Variants in SIPA1L3 observed in about 807,000 individuals in gnomAD.
SIPA1L3 encodes the protein signal-induced proliferation-associated 1-like protein 3.
Under a neutral mutation model 150.1 loss-of-function variants are expected in SIPA1L3, and 59 were observed. The ratio of observed to expected loss-of-function variants is 0.39; its 90% confidence interval spans 0.32 to 0.49. SIPA1L3 has a LOEUF of 0.49. Ranked by LOEUF, SIPA1L3 falls within the 20% of genes least tolerant of loss-of-function variation. The pLI, the probability that SIPA1L3 is intolerant of heterozygous loss-of-function variation, is 0.86. For synonymous variants in SIPA1L3, 1,070 were observed against 1,077.6 expected (o/e 0.99, Z 0.14); for missense variants, 2,211 against 2,489.5 (o/e 0.89, Z 2.38).
intron 1 of SIPA1L3, among the ~76,000 whole-genome samples, chr19:37,942,394 A>C (rs1284402931): frequency 6.6e-6 from 1 of 151,358 alleles, no homozygotes; most frequent in Non-Finnish European, 1.5e-5. Flanking sequence ...ATGCCAGCTG[A>C]GAGTGGAGTG....
At chr19:38,065,709 G>A (rs950776556) in intron 2 of SIPA1L3, among the ~76,000 whole-genome samples, 8 of 151,852 alleles carry the variant, frequency 5.3e-5, no homozygotes, top group East Asian at 1.9e-4. Context: ...GGCGTGATGC[G>A]TTACTGCACT....
chr19:38,072,378 A>T (rs1969743572), intron 2 of SIPA1L3, among the ~76,000 whole-genome samples: 1 of 152,094 alleles, frequency 6.6e-6, no homozygotes, highest in Admixed American at 6.6e-5. Context: ...GTATGTTTTC[A>T]TTGTTGTTTT....
At chr19:38,201,085 C>T (rs1390288378) in intron 19 of SIPA1L3, among the ~76,000 whole-genome samples, 6 of 152,242 alleles carry the variant, frequency 3.9e-5, no homozygotes, top group African/African-American at 1.4e-4. Context: ...CTGCCCTGCC[C>T]TGCCCCTGAT....
rs139361618 is a variant in SIPA1L3 at position 38,076,486 on chromosome 19, A to C, written c.-310-4770A>C. Among the ~76,000 whole-genome samples, 119 of 152,300 alleles carry C rather than the reference A, an allele frequency of 7.8e-4. 3 individuals carry two copies. The East Asian group carries it at 0.017, about 22-fold the overall frequency. On this transcript the variant is annotated intron_variant, in intron 2 of 21. Transcript: ENST00000222345. ...TCAAGTGTTGTGAGTATCCATTTGA[A>C]ACACCGTGTGACACTCATCATCTCC...
chr19:38,072,759 G>A (rs747735215), intron 2 of SIPA1L3, among the ~76,000 whole-genome samples: 8 of 152,266 alleles, frequency 5.3e-5, no homozygotes, highest in Non-Finnish European at 1.0e-4. Context: ...TTGGAAAAAG[G>A]AGTCCTGGCG....
At chr19:38,140,927 G>A (rs886181747) in intron 10 of SIPA1L3, among the ~76,000 whole-genome samples, 2 of 151,730 alleles carry the variant, frequency 1.3e-5, no homozygotes, top group Admixed American at 1.3e-4. Context: ...GCGTAGTGGC[G>A]CTTGCCTGTA....
intron 1 of SIPA1L3, among the ~76,000 whole-genome samples, chr19:38,026,902 A>G (rs1178518130): frequency 6.6e-6 from 1 of 152,256 alleles, no homozygotes; most frequent in Non-Finnish European, 1.5e-5. Context: ...CTCATATCAC[A>G]TTACAGTGTT....
intron 1 of SIPA1L3, among the ~76,000 whole-genome samples, chr19:37,940,929 A>T (rs888694376): frequency 2.6e-5 from 4 of 152,048 alleles, no homozygotes; most frequent in Non-Finnish European, 5.9e-5. Flanking sequence ...CAGAAAGGCC[A>T]TGTCATTTGT....
At chr19:38,010,335 G>T (rs1464259619) in intron 1 of SIPA1L3, among the ~76,000 whole-genome samples, 2 of 151,882 alleles carry the variant, frequency 1.3e-5, no homozygotes, top group African/African-American at 2.4e-5. Context: ...TGTAGTCCAG[G>T]AGTTTGAGGC....
intron 15 of SIPA1L3, among the ~76,000 whole-genome samples, chr19:38,178,945 G>A (rs148159122): frequency 6.6e-6 from 1 of 152,288 alleles, no homozygotes; most frequent in African/African-American, 2.4e-5. Flanking sequence ...TTGCTAAATT[G>A]TGGAAAGCAT....
At chr19:38,140,644 A>T (rs913705920) in intron 10 of SIPA1L3, among the ~76,000 whole-genome samples, 2 of 152,080 alleles carry the variant, frequency 1.3e-5, no homozygotes, top group Admixed American at 1.3e-4. Context: ...AGGAGGGAAG[A>T]GGAGATGAGG....
chr19:38,000,950 CACACATATA>C (rs1475509190), intron 1 of SIPA1L3, among the ~76,000 whole-genome samples: 41 of 58,088 alleles, frequency 7.1e-4, no homozygotes, highest in African/African-American at 1.7e-3. Context: ...TAACATATAA[CACACATATA>C]ACACATATAT....
chr19:38,015,167 A>C (rs1968204401), intron 1 of SIPA1L3, among the ~76,000 whole-genome samples: 1 of 152,200 alleles, frequency 6.6e-6, no homozygotes, highest in African/African-American at 2.4e-5. Context: ...TGGAATCACT[A>C]AATGACACAG....
chr19:37,941,726 A>G (rs1336056084), intron 1 of SIPA1L3, among the ~76,000 whole-genome samples: 1 of 152,020 alleles, frequency 6.6e-6, no homozygotes, highest in Non-Finnish European at 1.5e-5. Context: ...CAGACCTTAT[A>G]GTCTTTGGTG....
intron 1 of SIPA1L3, among the ~76,000 whole-genome samples, chr19:38,005,715 G>T (rs1967923980): frequency 1.3e-5 from 2 of 152,188 alleles, no homozygotes; most frequent in African/African-American, 4.8e-5. Flanking sequence ...TTTGCTAAGG[G>T]AATGAATGAA....
intron 2 of SIPA1L3, among the ~76,000 whole-genome samples, chr19:38,070,099 C>T (rs969337538): frequency 3.3e-5 from 5 of 152,224 alleles, no homozygotes; most frequent in South Asian, 2.1e-4. Flanking sequence ...TGCTCATCCA[C>T]GGCAGGTACC....
chr19:38,064,967 T>A (rs1184312093), intron 2 of SIPA1L3, among the ~76,000 whole-genome samples: 3 of 152,240 alleles, frequency 2.0e-5, no homozygotes, highest in Admixed American at 2.0e-4. Flanking sequence ...AGGGAAGACC[T>A]CCAGCATCTG....
At chr19:37,943,203 C>G (rs534837237) in intron 1 of SIPA1L3, among the ~76,000 whole-genome samples, 39 of 152,216 alleles carry the variant, frequency 2.6e-4, no homozygotes, top group Non-Finnish European at 4.9e-4. Context: ...CTACACACAT[C>G]TCGTCTAGCC....
chr19:38,173,585 C>T (rs1972375544), intron 15 of SIPA1L3: 1 of 152,280 alleles, frequency 6.6e-6, no homozygotes, highest in Non-Finnish European at 1.5e-5. Context: ...GCCGGGCGTT[C>T]CCAGGCAGGC....
Sources: allele counts gnomAD v4.1 joint callset (sites outside exome capture counted in the v4.1 genomes callset), GRCh38; gene constraint gnomAD v4.1.1; transcripts MANE v1.5; gene names NCBI Gene and HGNC (gene_info 2026-07-23, HGNC 2026-07-21).